BNC2: variants seen among roughly 807,000 people sequenced by gnomAD.
BNC2 encodes the protein zinc finger protein basonuclin-2.
BNC2 carries 20 observed loss-of-function variants against 76.3 expected under a neutral mutation model. That is an observed-to-expected ratio of 0.26 (90% CI 0.18 to 0.38). BNC2 has a LOEUF of 0.38. Ranked by LOEUF, BNC2 falls within the 10% of genes least tolerant of loss-of-function variation. BNC2 has a pLI of 1.00. For missense variants in BNC2, 1,382 were observed against 1,399.8 expected (o/e 0.99, Z 0.20); for synonymous variants, 582 against 514.8 (o/e 1.13, Z -1.77).
At chr9:16,779,399 C>A (rs1184359094) in intron 1 of BNC2, among the ~76,000 whole-genome samples, 1 of 151,870 alleles carries the variant, frequency 6.6e-6, no homozygotes, top group Non-Finnish European at 1.5e-5. Flanking sequence ...CTGACAAGAT[C>A]CTACTGATTG....
At chr9:16,780,037 C>T (rs1024099173) in intron 1 of BNC2, among the ~76,000 whole-genome samples, 1 of 150,330 alleles carries the variant, frequency 6.7e-6, no homozygotes, top group African/African-American at 2.4e-5. Context: ...CAGATCGAGA[C>T]CATCCTGGCT....
At chr9:16,460,729 G>T (rs543588048) in intron 5 of BNC2, among the ~76,000 whole-genome samples, 2 of 152,048 alleles carry the variant, frequency 1.3e-5, no homozygotes, top group Non-Finnish European at 2.9e-5. Context: ...GATCTGCGTT[G>T]ACTACCCTGA....
intron 1 of BNC2, among the ~76,000 whole-genome samples, chr9:16,794,059 A>G (rs1256966972): frequency 6.6e-6 from 1 of 151,778 alleles, no homozygotes; most frequent in Non-Finnish European, 1.5e-5. Flanking sequence ...GGATTGTGTG[A>G]CTTAGTTATA....
intron 5 of BNC2, among the ~76,000 whole-genome samples, chr9:16,469,109 C>G (rs1821760127): frequency 6.6e-6 from 1 of 152,132 alleles, no homozygotes; most frequent in African/African-American, 2.4e-5. Flanking sequence ...ACACTGCTAA[C>G]AAACTAGGTA....
intron 1 of BNC2, among the ~76,000 whole-genome samples, chr9:16,842,571 C>A (rs1432355454): frequency 6.6e-6 from 1 of 152,110 alleles, no homozygotes; most frequent in African/African-American, 2.4e-5. Flanking sequence ...GATGGTTCCA[C>A]AGCCTTGTGA....
intron 1 of BNC2, among the ~76,000 whole-genome samples, chr9:16,780,257 CA>C (rs1212395782): frequency 8.9e-5 from 7 of 78,694 alleles, no homozygotes; most frequent in Non-Finnish European, 1.1e-4. Flanking sequence ...AAAAAAAAAA[CA>C]AAAAAAAACT....
At chr9:16,662,295 A>C (rs1320817941) in intron 3 of BNC2, among the ~76,000 whole-genome samples, 1 of 152,210 alleles carries the variant, frequency 6.6e-6, no homozygotes, top group Non-Finnish European at 1.5e-5. Context: ...TGAAGTGTAC[A>C]ACAGGGCAAG....
In BNC2 at chr9:16,441,474, G is replaced by T. The variant is rs193176845; in HGVS notation, c.670-3950C>A. Among the ~76,000 whole-genome samples the T allele has an allele frequency of 2.0e-5, 3 of 152,316 alleles. No homozygotes were observed. In the East Asian group the frequency reaches 5.8e-4, roughly 29 times the overall value. ...TATCTTTGACTAACCTCGTTGAAGG[G>T]AGTTAGAAAGCATCAAAGGGAAAAA... On this transcript the variant is annotated intron_variant, in intron 5 of 6. Coordinates refer to ENST00000380672, the MANE Select transcript of BNC2 (RefSeq NM_017637.6).
intron 4 of BNC2, among the ~76,000 whole-genome samples, chr9:16,575,949 T>C (rs763962662): frequency 3.3e-5 from 5 of 152,210 alleles, no homozygotes; most frequent in Non-Finnish European, 7.3e-5. Context: ...TTTAAGCAGA[T>C]ACTGCACCAG....
At chr9:16,553,862 T>G (rs531432650) in intron 4 of BNC2, among the ~76,000 whole-genome samples, 1 of 152,300 alleles carries the variant, frequency 6.6e-6, no homozygotes, top group East Asian at 1.9e-4. Flanking sequence ...CTGTAGGGCT[T>G]AAAGAGATGC....
intron 5 of BNC2, among the ~76,000 whole-genome samples, chr9:16,492,479 C>T (rs1822298775): frequency 6.6e-6 from 1 of 152,132 alleles, no homozygotes; most frequent in South Asian, 2.1e-4. Flanking sequence ...GATTAACTGG[C>T]TGTTGGTCCT....
intron 1 of BNC2, among the ~76,000 whole-genome samples, chr9:16,780,433 G>A (rs1385511513): frequency 2.7e-5 from 4 of 150,858 alleles, no homozygotes; most frequent in Non-Finnish European, 1.5e-5. Context: ...TTATCTGGGC[G>A]TAGTGGCGGG....
At position 16,435,893 on chromosome 9, in the gene BNC2, A is replaced by C; in HGVS notation, c.2301T>G (p.Ser767=). 6.2e-7 allele frequency: 1 copy of C among 1,613,716 alleles called. No homozygotes were observed. Among genetic ancestry groups the C allele is most frequent in the Non-Finnish European group, 8.5e-7 (1 of 1,179,870 alleles). The change falls in exon 6 of 7, where the codon TCT becomes TCG. Residue 767 remains serine, a synonymous_variant. Transcript: ENST00000380672. ...ERPDENHSEP[S]HQDVIKVKEE... ...CCTTCACCTTGATGACGTCCTGGTG[A>C]GAGGGCTCACTGTGGTTCTCATCAG...
At chr9:16,583,166 C>T in intron 3 of BNC2, 81 bp from the exon 4 acceptor site, 1 of 1,175,406 alleles carries the variant, frequency 8.5e-7, no homozygotes, top group South Asian at 1.2e-5. Flanking sequence ...AAATATTGCC[C>T]ACTTCTATTT....
chr9:16,497,116 T>G (rs1822407103), intron 5 of BNC2, among the ~76,000 whole-genome samples: 1 of 152,242 alleles, frequency 6.6e-6, no homozygotes, highest in African/African-American at 2.4e-5. Context: ...TTCACCCTTG[T>G]GGTCACTATT....
At chr9:16,777,769 A>C (rs1385824423) in intron 1 of BNC2, among the ~76,000 whole-genome samples, 1 of 152,068 alleles carries the variant, frequency 6.6e-6, no homozygotes, top group Non-Finnish European at 1.5e-5. Context: ...CTGTAAAATC[A>C]AAGCAAGCAC....
At chr9:16,514,232 C>A (rs1168664186) in intron 5 of BNC2, among the ~76,000 whole-genome samples, 1 of 152,202 alleles carries the variant, frequency 6.6e-6, no homozygotes, top group Admixed American at 6.5e-5. Flanking sequence ...TGTCTCCAGA[C>A]CATGCAGCCT....
Position 16,679,507 on chromosome 9 carries a change from G to C in BNC2, c.330+48290C>G, listed in dbSNP as rs575570204. Among the ~76,000 whole-genome samples, 5 of 152,290 alleles carry C rather than the reference G, an allele frequency of 3.3e-5. 1 individual carries two copies. The highest frequency in any genetic ancestry group is 4.8e-5 in the African/African-American group (2 of 41,566). ...GCATGGCAAATGGAATCTGAACTTA[G>C]CTTAACAGCCTCATTTATTCCTGAT... On this transcript the variant is annotated intron_variant, in intron 3 of 6. Coordinates refer to ENST00000380672, the MANE Select transcript of BNC2 (RefSeq NM_017637.6).
chr9:16,778,429 A>G (rs1422766905), intron 1 of BNC2, among the ~76,000 whole-genome samples: 4 of 152,202 alleles, frequency 2.6e-5, no homozygotes, highest in Non-Finnish European at 4.4e-5. Context: ...ATCATAATAT[A>G]TATAAATCCT....
Sources: gnomAD v4.1 joint callset for allele counts (sites outside exome capture counted in the v4.1 genomes callset) on GRCh38, gnomAD v4.1.1 for gene constraint, MANE v1.5 for transcripts, NCBI Gene and HGNC (gene_info 2026-07-23, HGNC 2026-07-21) for gene names.